The following NGRN variants were observed in gnomAD, a reference collection of about 807,000 sequenced individuals.
The protein encoded by NGRN is neugrin.
NGRN carries 12 observed loss-of-function variants against 13.1 expected under a neutral mutation model. The ratio of observed to expected loss-of-function variants is 0.92; its 90% CI spans 0.59 to 1.49. The LOEUF (loss-of-function observed/expected upper bound fraction) is 1.49, where lower values mean the gene tolerates loss of function less well. Among genes scored for constraint, NGRN ranks in the 40% most tolerant of loss-of-function variants. NGRN has a pLI of 0.00. For synonymous variants in NGRN, 149 were observed against 145.8 expected, an observed-to-expected ratio of 1.02 and a Z score of -0.16; for missense variants, 397 against 357.0, an observed-to-expected ratio of 1.11 and a Z score of -0.90.
chr15:90,268,855 T>G (rs1425002191), intron 2 of NGRN, among the ~76,000 whole-genome samples: 1 of 151,110 alleles, frequency 6.6e-6, no homozygotes, highest in Non-Finnish European at 1.5e-5. Flanking sequence ...GTCTCCAGTT[T>G]CTGAGCTCAA....
chr15:90,265,921 G>A (rs1963408442), intron 1 of NGRN, 45 bp downstream of exon 1: 3 of 1,444,726 alleles, frequency 2.1e-6, no homozygotes, highest in East Asian at 5.3e-5. Context: ...AGGGCCTCGT[G>A]CCCCGGCGCT....
intron 2 of NGRN, among the ~76,000 whole-genome samples, chr15:90,267,887 GAATGACTCTGGAATTGA>G (rs1963451951): frequency 6.6e-6 from 1 of 152,180 alleles, no homozygotes; most frequent in South Asian, 2.1e-4. Context: ...ATTTCCATCA[GAATGACTCTGGAATTGA>G]AATTTAAAAT....
Position 90,271,333 on chromosome 15 carries a change from C to A in NGRN, c.421C>A (p.Leu141Ile). The A allele has an allele frequency of 6.2e-7, 1 of 1,614,032 alleles. No homozygotes were observed. Among genetic ancestry groups the A allele is most frequent in the Non-Finnish European group, 8.5e-7 (1 of 1,180,030 alleles). The change falls in exon 3 of 3, where the codon CTT becomes ATT. Residue 141 changes from leucine (L) to isoleucine (I), a missense_variant. Coordinates refer to ENST00000379095, the MANE Select transcript of NGRN (RefSeq NM_001033088.3). Reference sequence around the variant, plus strand: ...GAAGCTGAAGCAGGATCAAAAAGTCCTTAAGAAAGCTGGGCTTGCCCACTC... The same window carrying A: ...GAAGCTGAAGCAGGATCAAAAAGTCATTAAGAAAGCTGGGCTTGCCCACTC... ...EQKLKQDQKV[L>I]KKAGLAHSLQ...
Position 90,265,810 on chromosome 15 carries a change from T to G in NGRN, c.98T>G (p.Ile33Ser). The stretch of plus-strand genomic sequence containing the variant: ...CGGGGGGTGGCGGGCCCAGGCCCTA[T>G]TGGCCGGGAGCCGGACCCCGATTCC... ...ATRGVAGPGP[I>S]GREPDPDSDW... Residue 33 changes from isoleucine to serine, a missense_variant, in exon 1 of 3, where the codon ATT becomes AGT. Ile to Ser is a moderately radical substitution (Grantham distance 142). Transcript: ENST00000379095. The G allele has an allele frequency of 6.2e-7, 1 of 1,611,296 alleles. No individual in the cohort carries two copies.
chr15:90,267,037 T>TC (rs1963435004), intron 2 of NGRN, among the ~76,000 whole-genome samples: 1 of 151,858 alleles, frequency 6.6e-6, no homozygotes, highest in Non-Finnish European at 1.5e-5. Flanking sequence ...TACTTTTTTT[T>TC]TTTTTTTTTG....
In NGRN at chr15:90,271,879, A is replaced by C; in HGVS notation, c.*91A>C. 1 of 1,521,290 alleles carries C rather than the reference A, an allele frequency of 6.6e-7. No homozygotes were observed. The allele number at this position is 1,521,290 out of a possible 1,614,324, so 94.2% of individuals were successfully genotyped here. On this transcript the variant is annotated 3_prime_UTR_variant, in exon 3 of 3. Coordinates refer to ENST00000379095, the MANE Select transcript of NGRN (RefSeq NM_001033088.3). ...CAGCCTGGATTTCTGCATATGGATA[A>C]GCCACCTTGGAATAGGAAGAGGTGT...
At chr15:90,266,450 G>A (rs1202562314) in intron 2 of NGRN, 52 bp downstream of exon 2, 2 of 1,436,032 alleles carry the variant, frequency 1.4e-6, no homozygotes, top group Non-Finnish European at 1.9e-6. Flanking sequence ...AGTGAAGGAT[G>A]CTGGAGCCCA....
intron 2 of NGRN, among the ~76,000 whole-genome samples, chr15:90,266,860 A>G (rs1209445883): frequency 6.6e-6 from 1 of 152,224 alleles, no homozygotes; most frequent in Non-Finnish European, 1.5e-5. Context: ...TGGTGCTTCC[A>G]TAGGTAGGTG....
chr15:90,267,799 G>A (rs1441379935), intron 2 of NGRN, among the ~76,000 whole-genome samples: 1 of 152,236 alleles, frequency 6.6e-6, no homozygotes, highest in African/African-American at 2.4e-5. Context: ...AAGTAAGGTT[G>A]CCAGGTCAAA....
chr15:90,269,266 T>C lies in NGRN; in HGVS notation c.276-1922T>C, dbSNP rs138917227. Among the ~76,000 whole-genome samples, 1,232 of 150,156 alleles carry C rather than the reference T, an allele frequency of 8.2e-3. 19 individuals carry two copies. The highest frequency in any genetic ancestry group is 0.029 in the African/African-American group (1,188 of 40,740). ...CTGACCTCAAGTGATCTGCCTGCCT[T>C]AGCCTCCCAAAAGTGCTGGGATTAC... On this transcript the variant is annotated intron_variant, in intron 2 of 2. Coordinates refer to ENST00000379095, the MANE Select transcript of NGRN (RefSeq NM_001033088.3).
chr15:90,265,948 T>G lies in NGRN; in HGVS notation c.164+72T>G, dbSNP rs371743967. ...CCCGGCGCTCCAGGCCGCGCCCCCT[T>G]GGCGCCGGGTGTCCTGCCGCTGCTT... On this transcript the variant is annotated intron_variant, in intron 1 of 2. Coordinates refer to ENST00000379095, the MANE Select transcript of NGRN (RefSeq NM_001033088.3). 57 of 1,430,124 alleles carry G rather than the reference T, an allele frequency of 4.0e-5. No individual in the cohort carries two copies. In the African/African-American group the frequency reaches 7.9e-4, roughly 20 times the overall value. The allele number at this position is 1,430,124 out of a possible 1,614,324, so 88.6% of individuals were successfully genotyped here.
intron 2 of NGRN, 25 bp from the exon 3 acceptor site, chr15:90,271,163 G>C: frequency 1.3e-6 from 2 of 1,595,040 alleles, no homozygotes; most frequent in African/African-American, 2.7e-5. Flanking sequence ...TTCACAACTT[G>C]CAAACCTGCT....
chr15:90,270,084 G>A (rs1328925251), intron 2 of NGRN, among the ~76,000 whole-genome samples: 1 of 151,918 alleles, frequency 6.6e-6, no homozygotes, highest in Admixed American at 6.6e-5. Flanking sequence ...TTTTAATAGA[G>A]ATGGGATCTC....
At chr15:90,270,281 C>A (rs1225034217) in intron 2 of NGRN, among the ~76,000 whole-genome samples, 1 of 152,146 alleles carries the variant, frequency 6.6e-6, no homozygotes, top group East Asian at 1.9e-4. Context: ...AACTCCAGAC[C>A]CCTAAGTGTG....
In NGRN at chr15:90,271,712, A is replaced by G. The variant is rs16944113; in HGVS notation, c.800A>G (p.Asp267Gly). 1.5e-3 allele frequency: 2,477 copies of G among 1,614,188 alleles called. 33 individuals are homozygous for G. The African/African-American group carries it at 0.029, about 19-fold the overall frequency. The change falls in exon 3 of 3, where the codon GAT (aspartate) becomes GGT (glycine). Residue 267 changes from aspartate (D) to glycine (G), a missense_variant. Transcript: ENST00000379095. ...KLEELKAEEP[D>G]NFSSKVVQRG... ...GAGGAGTTGAAGGCAGAGGAGCCAG[A>G]TAACTTCAGCAGCAAAGTAGTGCAG...
chr15:90,271,081 C>A, intron 2 of NGRN, 107 bp from the exon 3 acceptor site: 1 of 1,305,588 alleles, frequency 7.7e-7, no homozygotes, highest in Non-Finnish European at 1.1e-6. Context: ...CAGGTGTGAG[C>A]CACCATGCCA....
In NGRN at chr15:90,265,746, C is replaced by G. The variant is rs1880198465; in HGVS notation, c.34C>G (p.Arg12Gly). Residue 12 changes from arginine (R) to glycine (G), a missense_variant, in exon 1 of 3, where the codon CGC becomes GGC. Transcript: ENST00000379095. ...AVTLSLLLGG[R>G]VCAAVTRCGF... ...TACCCTGAGTCTCTTGCTGGGCGGG[C>G]GCGTTTGCGCCGCCGTCACTCGCTG... 2 of 1,613,044 alleles carry G rather than the reference C, an allele frequency of 1.2e-6. No homozygotes were observed. Among genetic ancestry groups the G allele is most frequent in the African/African-American group, 1.3e-5 (1 of 74,892 alleles).
chr15:90,265,925 C>CCTT, intron 1 of NGRN, 49 bp downstream of exon 1: 1 of 1,440,142 alleles, frequency 6.9e-7, no homozygotes, highest in Non-Finnish European at 9.1e-7. Context: ...CCTCGTGCCC[C>CCTT]GGCGCTCCAG....
intron 2 of NGRN, 129 bp from the exon 3 acceptor site, chr15:90,271,059 G>A (rs1963494198): frequency 1.8e-6 from 2 of 1,089,298 alleles, no homozygotes; most frequent in Non-Finnish European, 1.3e-6. Context: ...GCCTCTCAGA[G>A]TTCTGGGATT....
Sources: gnomAD v4.1 joint callset for allele counts (sites outside exome capture counted in the v4.1 genomes callset) on GRCh38, gnomAD v4.1.1 for gene constraint, MANE v1.5 for transcripts, NCBI Gene and HGNC (gene_info 2026-07-23, HGNC 2026-07-21) for gene names.